Variants in SPOCK1 observed in about 807,000 individuals in gnomAD.
SPOCK1 encodes testican-1.
SPOCK1 carries 23 observed loss-of-function variants against 55.3 expected under a neutral mutation model. The ratio of observed to expected loss-of-function variants is 0.42; its 90% CI spans 0.30 to 0.59. SPOCK1 has a LOEUF of 0.59. Ranked by LOEUF, SPOCK1 falls within the 20% of genes least tolerant of loss-of-function variation. The pLI is 0.22. For synonymous variants in SPOCK1, 226 were observed against 221.0 expected (o/e 1.02, Z -0.20); for missense variants, 499 against 552.5 (o/e 0.90, Z 0.97).
At chr5:137,265,300 T>C (rs567347614) in intron 3 of SPOCK1, among the ~76,000 whole-genome samples, 139 of 152,346 alleles carry the variant, frequency 9.1e-4, no homozygotes, top group African/African-American at 3.3e-3. Flanking sequence ...ATTTGCAAGC[T>C]TTGGCAAAGA....
rs1005699517 is a variant in SPOCK1, at chr5:137,009,753, G to A, written c.590-17153C>T. ...ATTTTTTAATCAACACAATCTGTGT[G>A]CTGTTCTCCATTCTGCCCTGTGACC... On this transcript the variant is annotated intron_variant, in intron 6 of 10. Coordinates refer to ENST00000394945, the MANE Select transcript of SPOCK1 (RefSeq NM_004598.4). Among the ~76,000 whole-genome samples, 5 of 152,164 alleles carry A rather than the reference G, an allele frequency of 3.3e-5. No individual in the cohort carries two copies. The East Asian group carries it at 9.6e-4, about 29-fold the overall frequency.
intron 6 of SPOCK1, among the ~76,000 whole-genome samples, chr5:136,995,840 G>A (rs1294472372): frequency 6.6e-6 from 1 of 152,152 alleles, no homozygotes; most frequent in Non-Finnish European, 1.5e-5. Context: ...GTCACTCAGG[G>A]ACAAGTCCAC....
Position 137,114,240 on chromosome 5 carries a change from T to C in SPOCK1, c.348-1679A>G, listed in dbSNP as rs188678209. Reference sequence around the variant, plus strand: ...TCACCTTGCTTGTTCAACTTGCTTGTCTTACTAGCGGGGAAAACTGAAACT... The same window carrying C: ...TCACCTTGCTTGTTCAACTTGCTTGCCTTACTAGCGGGGAAAACTGAAACT... On this transcript the variant is annotated intron_variant, in intron 4 of 10. Coordinates refer to ENST00000394945, the MANE Select transcript of SPOCK1 (RefSeq NM_004598.4). 3.0e-3 allele frequency among the ~76,000 whole-genome samples: 459 copies of C among 152,308 alleles called. 1 individual carries two copies. The highest frequency in any genetic ancestry group is 5.4e-3 in the Non-Finnish European group (366 of 68,012).
chr5:137,449,986 A>T (rs1198948931), intron 2 of SPOCK1, among the ~76,000 whole-genome samples: 1 of 151,886 alleles, frequency 6.6e-6, no homozygotes, highest in African/African-American at 2.4e-5. Flanking sequence ...ATAATTTTTT[A>T]AAATTAAACA....
At chr5:137,245,771 C>CAA (rs1174492394) in intron 3 of SPOCK1, among the ~76,000 whole-genome samples, 2 of 47,294 alleles carry the variant, frequency 4.2e-5, no homozygotes, top group Non-Finnish European at 8.2e-5. Context: ...CAAAACAAAA[C>CAA]AAAACAAAAA....
At chr5:137,053,638 G>A (rs939336984) in intron 6 of SPOCK1, among the ~76,000 whole-genome samples, 3 of 125,212 alleles carry the variant, frequency 2.4e-5, no homozygotes, top group Admixed American at 9.6e-5. Flanking sequence ...TCTGGGCTTC[G>A]GCTCAGTCAT....
intron 3 of SPOCK1, among the ~76,000 whole-genome samples, chr5:137,249,694 A>T (rs773543597): frequency 1.3e-5 from 2 of 152,228 alleles, no homozygotes; most frequent in African/African-American, 2.4e-5. Flanking sequence ...TACCTAAAAA[A>T]ACTTTACAAT....
chr5:137,205,541 G>T (rs1425329301), intron 3 of SPOCK1, among the ~76,000 whole-genome samples: 1 of 152,212 alleles, frequency 6.6e-6, no homozygotes, highest in Non-Finnish European at 1.5e-5. Flanking sequence ...CGGGTGGCAG[G>T]AAAGGAGACA....
At chr5:137,069,109 A>G (rs148223441) in intron 5 of SPOCK1, among the ~76,000 whole-genome samples, 1 of 152,356 alleles carries the variant, frequency 6.6e-6, no homozygotes, top group African/African-American at 2.4e-5. Flanking sequence ...AGCATTTGCA[A>G]AGCCACACAC....
intron 2 of SPOCK1, among the ~76,000 whole-genome samples, chr5:137,407,395 T>C (rs957280178): frequency 6.6e-6 from 1 of 152,062 alleles, no homozygotes; most frequent in Non-Finnish European, 1.5e-5. Context: ...GATGTTATGA[T>C]AAAAATCAAA....
intron 6 of SPOCK1, among the ~76,000 whole-genome samples, chr5:137,016,760 G>A (rs1751454365): frequency 1.3e-5 from 2 of 152,252 alleles, no homozygotes; most frequent in African/African-American, 4.8e-5. Flanking sequence ...AAATGAGGCT[G>A]TCTAGGACCA....
intron 3 of SPOCK1, among the ~76,000 whole-genome samples, chr5:137,230,725 C>A: frequency 6.6e-6 from 1 of 152,136 alleles, no homozygotes. Context: ...CACATCACAT[C>A]ATATCTTTTT....
intron 4 of SPOCK1, among the ~76,000 whole-genome samples, chr5:137,127,255 A>T (rs1753796997): frequency 6.6e-6 from 1 of 152,342 alleles, no homozygotes; most frequent in African/African-American, 2.4e-5. Flanking sequence ...CCCAGAGTAC[A>T]AGAGCCACAG....
intron 2 of SPOCK1, among the ~76,000 whole-genome samples, chr5:137,446,497 A>C (rs909031046): frequency 6.6e-6 from 1 of 152,218 alleles, no homozygotes; most frequent in Non-Finnish European, 1.5e-5. Context: ...GAGAGATCCC[A>C]GAACAAGTCT....
intron 6 of SPOCK1, among the ~76,000 whole-genome samples, chr5:137,015,197 T>C (rs1344468943): frequency 6.6e-6 from 1 of 151,886 alleles, no homozygotes; most frequent in Non-Finnish European, 1.5e-5. Flanking sequence ...ATCCCAGGAC[T>C]TTGGGAGGCC....
intron 2 of SPOCK1, among the ~76,000 whole-genome samples, chr5:137,368,993 T>A (rs1229573545): frequency 3.3e-5 from 5 of 152,248 alleles, no homozygotes; most frequent in Non-Finnish European, 7.3e-5. Context: ...TACAACAGAC[T>A]CATACTTGCA....
At chr5:137,361,676 T>A (rs868209333) in intron 2 of SPOCK1, among the ~76,000 whole-genome samples, 3 of 152,244 alleles carry the variant, frequency 2.0e-5, no homozygotes, top group African/African-American at 4.8e-5. Flanking sequence ...AAGATTTGGA[T>A]GACTTGTTGC....
chr5:137,200,294 T>G (rs933043622), intron 3 of SPOCK1, among the ~76,000 whole-genome samples: 1 of 152,194 alleles, frequency 6.6e-6, no homozygotes, highest in African/African-American at 2.4e-5. Context: ...TTCATTCTAG[T>G]CTTTGCTCAT....
At chr5:137,157,556 T>A (rs1442103216) in intron 3 of SPOCK1, among the ~76,000 whole-genome samples, 3 of 152,220 alleles carry the variant, frequency 2.0e-5, no homozygotes, top group Non-Finnish European at 4.4e-5. Context: ...CCAGTGCTTT[T>A]GCTGGGCTGG....
Sources: gnomAD v4.1 joint callset for allele counts (sites outside exome capture counted in the v4.1 genomes callset) on GRCh38, gnomAD v4.1.1 for gene constraint, MANE v1.5 for transcripts, NCBI Gene and HGNC (gene_info 2026-07-23, HGNC 2026-07-21) for gene names.